Variants in FSTL5 observed in about 807,000 individuals in gnomAD.
FSTL5 encodes follistatin-related protein 5.
FSTL5 carries 62 observed loss-of-function variants against 89.1 expected under a neutral mutation model. That is an observed-to-expected ratio of 0.70 (90% CI 0.57 to 0.86). The LOEUF (loss-of-function observed/expected upper bound fraction) is 0.86, where lower values mean the gene tolerates loss of function less well. Among genes scored for constraint, FSTL5 ranks in the 40% least tolerant of loss-of-function variants. The pLI is 0.00. For synonymous variants in FSTL5, 383 were observed against 346.2 expected (o/e 1.11, Z -1.18); for missense variants, 1,057 against 1,001.6 (o/e 1.06, Z -0.75).
intron 8 of FSTL5, among the ~76,000 whole-genome samples, chr4:161,571,192 T>G (rs533756420): frequency 6.6e-6 from 1 of 152,084 alleles, no homozygotes; most frequent in East Asian, 1.9e-4. Context: ...ATGGATTATG[T>G]TAAGGCACAG....
At chr4:161,972,175 C>T (rs142117649) in intron 3 of FSTL5, among the ~76,000 whole-genome samples, 1 of 152,154 alleles carries the variant, frequency 6.6e-6, no homozygotes, top group East Asian at 1.9e-4. Context: ...TCAATGCAAC[C>T]TCCGCTTCCC....
At chr4:161,600,158 A>AACACACAC (rs71598717) in intron 7 of FSTL5, among the ~76,000 whole-genome samples, 29,459 of 141,782 alleles carry the variant, frequency 0.21, 3,310 homozygotes, top group Non-Finnish European at 0.26. Flanking sequence ...AATGTCAATA[A>AACACACAC]ACACACACAC....
chr4:161,973,917 A>G (rs1735557685), intron 3 of FSTL5, among the ~76,000 whole-genome samples: 1 of 152,172 alleles, frequency 6.6e-6, no homozygotes, highest in Non-Finnish European at 1.5e-5. Context: ...AAGTCTCAGG[A>G]TACAAAATCA....
At position 161,424,195 on chromosome 4, in the gene FSTL5, T is replaced by C. The variant is rs72973160; in HGVS notation, c.1841+30809A>G. On this transcript the variant is annotated intron_variant, in intron 15 of 15. Transcript: ENST00000306100. ...CCCAGCCCTTTCCTAGTATTTTATA[T>C]TGCTTATCATCACAGTGGGAGGGGA... 2.2e-3 allele frequency among the ~76,000 whole-genome samples: 332 copies of C among 151,958 alleles called. 1 individual carries two copies. The highest frequency in any genetic ancestry group is 7.7e-3 in the African/African-American group (319 of 41,428).
At chr4:161,570,768 C>T (rs957849901) in intron 8 of FSTL5, among the ~76,000 whole-genome samples, 1 of 152,160 alleles carries the variant, frequency 6.6e-6, no homozygotes, top group African/African-American at 2.4e-5. Flanking sequence ...TGCAGGTGAG[C>T]CTGCAGCTAT....
At chr4:161,894,609 G>C (rs773309184) in intron 4 of FSTL5, among the ~76,000 whole-genome samples, 4 of 152,088 alleles carry the variant, frequency 2.6e-5, no homozygotes, top group Non-Finnish European at 4.4e-5. Flanking sequence ...CTCTCCTGTA[G>C]CTGGGATTAC....
intron 15 of FSTL5, among the ~76,000 whole-genome samples, chr4:161,414,106 G>T (rs1273495101): frequency 6.6e-6 from 1 of 152,176 alleles, no homozygotes. Flanking sequence ...GTTTAATTTT[G>T]TTAGGTGAAT....
chr4:161,411,005 AG>A (rs1477287304), intron 15 of FSTL5, among the ~76,000 whole-genome samples: 1 of 152,118 alleles, frequency 6.6e-6, no homozygotes, highest in Non-Finnish European at 1.5e-5. Context: ...GAAATGACAA[AG>A]ATGATATTGC....
chr4:161,505,951 C>T (rs545423364), intron 11 of FSTL5, among the ~76,000 whole-genome samples: 36 of 152,262 alleles, frequency 2.4e-4, no homozygotes, highest in Non-Finnish European at 3.7e-4. Context: ...CATTAGAAAG[C>T]ATAGTCTTCC....
At chr4:161,811,771 A>G (rs914966189) in intron 4 of FSTL5, among the ~76,000 whole-genome samples, 7 of 152,212 alleles carry the variant, frequency 4.6e-5, no homozygotes, top group Non-Finnish European at 1.0e-4. Flanking sequence ...AATTCATCTA[A>G]ATATTTAATA....
intron 13 of FSTL5, among the ~76,000 whole-genome samples, chr4:161,463,849 T>C (rs1246128872): frequency 2.0e-5 from 3 of 152,218 alleles, no homozygotes; most frequent in African/African-American, 7.2e-5. Context: ...CCTCAGGAAA[T>C]GCAATTGAAT....
intron 11 of FSTL5, among the ~76,000 whole-genome samples, chr4:161,502,802 A>T (rs1169817034): frequency 1.3e-5 from 2 of 151,856 alleles, no homozygotes; most frequent in African/African-American, 4.8e-5. Context: ...GTGCACATAT[A>T]AATTTATTAA....
intron 3 of FSTL5, among the ~76,000 whole-genome samples, chr4:161,949,658 T>C (rs868414000): frequency 6.6e-6 from 1 of 151,876 alleles, no homozygotes; most frequent in Non-Finnish European, 1.5e-5. Flanking sequence ...TTTATAGTAA[T>C]TATTATATTT....
At chr4:161,621,252 T>A (rs1221879164) in intron 7 of FSTL5, among the ~76,000 whole-genome samples, 1 of 144,832 alleles carries the variant, frequency 6.9e-6, no homozygotes, top group Non-Finnish European at 1.5e-5. Flanking sequence ...AGTAGGGATA[T>A]GGGGATGTAA....
Position 161,656,528 on chromosome 4 carries a change from C to T in FSTL5, c.728-34G>A, listed in dbSNP as rs764167194. 80 of 1,408,072 alleles carry T rather than the reference C, an allele frequency of 5.7e-5. 1 individual carries two copies. The East Asian group carries it at 1.0e-3, about 18-fold the overall frequency. 87.2% of individuals were successfully genotyped at this position (1,408,072 alleles called of 1,614,324 possible). A position where few individuals can be genotyped will look rare whatever the true frequency, so the allele number is the denominator to read the frequency against. On this transcript the variant is annotated intron_variant, in intron 6 of 15. Transcript: ENST00000306100. The stretch of plus-strand genomic sequence containing the variant: ...ATGAAGTGTCAGTAATGTTGATGAG[C>T]ATTTAGTTTTGTAAGGCTAATAGTA...
intron 2 of FSTL5, among the ~76,000 whole-genome samples, chr4:162,068,306 A>C (rs1036624430): frequency 1.3e-5 from 2 of 152,080 alleles, no homozygotes; most frequent in African/African-American, 4.8e-5. Context: ...AAACTATACT[A>C]CAAGCTACAG....
chr4:161,385,584 T>C lies in FSTL5; in HGVS notation c.*163A>G. On this transcript the variant is annotated 3_prime_UTR_variant, in exon 16 of 16. Coordinates refer to ENST00000306100, the MANE Select transcript of FSTL5 (RefSeq NM_020116.5). Reference sequence around the variant, plus strand: ...ATTAACCAATATAATTAATTGTGTATGTCTTAGTCACTTAGTCAAAAACAA... The same window carrying C: ...ATTAACCAATATAATTAATTGTGTACGTCTTAGTCACTTAGTCAAAAACAA... 7.0e-6 allele frequency: 4 copies of C among 573,404 alleles called. No individual in the cohort carries two copies. Among genetic ancestry groups the C allele is most frequent in the East Asian group, 5.7e-5 (2 of 35,210 alleles). 35.5% of individuals were successfully genotyped at this position (573,404 alleles called of 1,614,324 possible).
At chr4:161,695,274 C>T (rs1738101952) in intron 6 of FSTL5, among the ~76,000 whole-genome samples, 1 of 152,018 alleles carries the variant, frequency 6.6e-6, no homozygotes, top group Non-Finnish European at 1.5e-5. Context: ...ATCCTCATAG[C>T]TTAGCTCCCA....
chr4:162,144,632 C>T (rs1301224744), intron 1 of FSTL5, among the ~76,000 whole-genome samples: 2 of 152,030 alleles, frequency 1.3e-5, no homozygotes, highest in Non-Finnish European at 2.9e-5. Flanking sequence ...ACATCAAGAA[C>T]ATCATGGTTC....
Sources: gnomAD v4.1 joint callset for allele counts (sites outside exome capture counted in the v4.1 genomes callset) on GRCh38, gnomAD v4.1.1 for gene constraint, MANE v1.5 for transcripts, NCBI Gene and HGNC (gene_info 2026-07-23, HGNC 2026-07-21) for gene names.